The following PRDM7 variants were observed in gnomAD, a reference collection of about 807,000 sequenced individuals.
The protein encoded by PRDM7 is histone-lysine N-methyltransferase PRDM7.
A neutral mutation model predicts 64.3 loss-of-function variants in PRDM7; 52 were observed. That is an observed-to-expected ratio of 0.81 (90% confidence interval 0.65 to 1.02). The LOEUF is 1.02. Among genes scored for constraint, PRDM7 ranks in the 50% least tolerant of loss-of-function variants. The pLI is 0.00. For synonymous variants in PRDM7, 192 were observed against 210.1 expected, an observed-to-expected ratio of 0.91 and a Z score of 0.74; for missense variants, 574 against 597.1, an observed-to-expected ratio of 0.96 and a Z score of 0.40.
chr16:90,068,152 A>G (rs557896114), intron 4 of PRDM7, among the ~76,000 whole-genome samples: 5 of 150,460 alleles, frequency 3.3e-5, no homozygotes, highest in Admixed American at 3.3e-4. Flanking sequence ...GGTGGCGGGC[A>G]CCTATAGTCC....
chr16:90,076,866 G>T (rs1567491309), intron 1 of PRDM7, among the ~76,000 whole-genome samples: 1 of 151,956 alleles, frequency 6.6e-6, no homozygotes, highest in African/African-American at 2.4e-5. Context: ...TGAAGCTGAC[G>T]GGGTTGAGTT....
In PRDM7 at chr16:90,075,058, A is replaced by G; in HGVS notation, c.194-35T>C. On this transcript the variant is annotated intron_variant, in intron 3 of 10. Coordinates refer to ENST00000449207, the MANE Select transcript of PRDM7 (RefSeq NM_001098173.2). The surrounding 1 kb of genome is among the most constrained non-coding windows in gnomAD (Gnocchi z 4.3). ...AGCAAAAAATTTTGCTCTGAAACGG[A>G]AGAGCTGGGATGAGGAACAAAGGGC... is the stretch of plus-strand genomic sequence containing the variant. The G allele has an allele frequency of 8.1e-6, 13 of 1,609,218 alleles. No individual in the cohort carries two copies. Among genetic ancestry groups the G allele is most frequent in the Non-Finnish European group, 1.1e-5 (13 of 1,175,660 alleles).
rs199642434 is a variant in PRDM7, at chr16:90,072,230, C to CAAA, written c.301+2683_301+2685dup. On this transcript the variant is annotated intron_variant, in intron 4 of 10. Transcript: ENST00000449207. The stretch of plus-strand genomic sequence containing the variant: ...TGGGCGACAGAGCGAGACTCCATCT[C>CAAA]AAAAAAAAAAAAAAAGAATTAAAAA... 1.9e-4 allele frequency among the ~76,000 whole-genome samples: 20 copies of CAAA among 107,050 alleles called. 1 individual carries two copies. Among genetic ancestry groups the CAAA allele is most frequent in the African/African-American group, 6.8e-4 (18 of 26,458 alleles). The allele number at this position is 107,050 out of a possible 152,430, so 70.2% of individuals were successfully genotyped here.
intron 5 of PRDM7, among the ~76,000 whole-genome samples, chr16:90,066,633 T>C (rs999411627): frequency 2.6e-5 from 4 of 151,220 alleles, no homozygotes; most frequent in Non-Finnish European, 5.9e-5. Context: ...AGTTTATTCA[T>C]GTAAAATGCT....
At chr16:90,063,369 C>G (rs2037814724) in intron 6 of PRDM7, among the ~76,000 whole-genome samples, 1 of 150,726 alleles carries the variant, frequency 6.6e-6, no homozygotes. Flanking sequence ...TTCGTGGAGG[C>G]AGAGGTTGCA....
rs2037821115 is a variant in PRDM7 at position 90,063,664 on chromosome 16, C to T, written c.456G>A (p.Val152=). Reference sequence around the variant, plus strand: ...AGGTACTTGCTTCTCCAGGAGGGGACACTGGTTTCTGAGCCTGCTCTGAGT... The same window carrying T: ...AGGTACTTGCTTCTCCAGGAGGGGATACTGGTTTCTGAGCCTGCTCTGAGT... The part of the protein sequence containing the change: ...TSDSEQAQKP[V]SPPGEASTSG... Residue 152 remains valine, a synonymous_variant, in exon 6 of 11, where the codon GTG becomes GTA. Transcript: ENST00000449207. 1.9e-6 allele frequency: 3 copies of T among 1,614,082 alleles called. No homozygotes were observed. In the East Asian group the frequency reaches 6.7e-5, roughly 36 times the overall value.
At chr16:90,062,526 G>GT in intron 6 of PRDM7, 24 bp from the exon 7 acceptor site, 2 of 1,572,504 alleles carry the variant, frequency 1.3e-6, no homozygotes, top group South Asian at 2.2e-5. Context: ...GAGTAGATGG[G>GT]TAAAATTGGG....
At chr16:90,059,912 C>G (rs960920928) in intron 10 of PRDM7, among the ~76,000 whole-genome samples, 51 of 152,204 alleles carry the variant, frequency 3.4e-4, no homozygotes, top group African/African-American at 1.2e-3. Flanking sequence ...ATTTACACTT[C>G]CTGCAACATC....
chr16:90,074,087 G>C (rs1308830469), intron 4 of PRDM7, among the ~76,000 whole-genome samples: 1 of 151,866 alleles, frequency 6.6e-6, no homozygotes, highest in Non-Finnish European at 1.5e-5. Flanking sequence ...TGCCTGGCCA[G>C]GAGGTCACTT....
chr16:90,077,276 C>G lies in PRDM7; in HGVS notation c.-136G>C, dbSNP rs1293145798. The G allele has an allele frequency of 6.6e-6, 1 of 152,264 alleles. No homozygotes were observed. Among genetic ancestry groups the G allele is most frequent in the African/African-American group, 2.4e-5 (1 of 41,454 alleles). The allele number at this position is 152,264 out of a possible 1,614,324, so 9.4% of individuals were successfully genotyped here. A position where few individuals can be genotyped will look rare whatever the true frequency, so the allele number is the denominator to read the frequency against. ...GCTCCCCATGCTCTTCACAGTCTCC[C>G]GTTTTCTCCTGCCGCGGTGTTCACC... On this transcript the variant is annotated 5_prime_UTR_variant, in exon 1 of 11. Coordinates refer to ENST00000449207, the MANE Select transcript of PRDM7 (RefSeq NM_001098173.2).
In PRDM7 at chr16:90,060,569, G is replaced by A; in HGVS notation, c.1005C>T (p.Tyr335=). Residue 335 remains tyrosine (Y), a synonymous_variant, in exon 10 of 11, where the codon TAC becomes TAT. Transcript: ENST00000449207. ...DEEQNLVAFQ[Y]HRQIFYRTCR... is the part of the protein sequence containing the mutation. ...AGGTTCTATAGAAGATCTGCCTGTGGTACTGGAAGGCCACCAGGTTCTGCT... is the reference window on the plus strand; with the variant it reads ...AGGTTCTATAGAAGATCTGCCTGTGATACTGGAAGGCCACCAGGTTCTGCT... 1.9e-6 allele frequency: 3 copies of A among 1,614,086 alleles called. No homozygotes were observed. Among genetic ancestry groups the A allele is most frequent in the South Asian group, 1.1e-5 (1 of 91,080 alleles).
intron 4 of PRDM7, chr16:90,069,884 T>G (rs2037931515): frequency 6.5e-6 from 1 of 152,882 alleles, no homozygotes; most frequent in Non-Finnish European, 1.4e-5. Context: ...TGAAACCCTG[T>G]CTCTACTGAA....
Position 90,060,485 on chromosome 16 carries a change from C to G in PRDM7, c.1089G>C (p.Gln363His), listed in dbSNP as rs752189220. ...CTATAGAAGATCTGATGCCCAGTTC[C>G]TGGCCATACTCATCCCCAGACCAGA... The part of the protein sequence containing the change: ...LLVWSGDEYG[Q>H]ELGIRSSIEP... The change falls in exon 10 of 11, where the codon CAG (glutamine) becomes CAC (histidine). Residue 363 changes from glutamine (Q) to histidine (H), a missense_variant. Gln to His is a conservative substitution (Grantham distance 24). Coordinates refer to ENST00000449207, the MANE Select transcript of PRDM7 (RefSeq NM_001098173.2). 19 of 1,613,598 alleles carry G rather than the reference C, an allele frequency of 1.2e-5. No homozygotes were observed. The highest frequency in any genetic ancestry group is 1.7e-5 in the Admixed American group (1 of 59,958).
chr16:90,062,009 G>A lies in PRDM7; in HGVS notation c.794C>T (p.Ser265Phe), dbSNP rs1597683797. The A allele has an allele frequency of 1.2e-6, 2 of 1,614,272 alleles. No homozygotes were observed. The highest frequency in any genetic ancestry group is 4.5e-5 in the East Asian group (2 of 44,892). ...AAAGTGCAGACCCAGTGGCAGATCA[G>A]ATGCCTCGTTCCATACTCCAAGCCC... is the stretch of plus-strand genomic sequence containing the variant. ...QAGLGVWNEA[S>F]DLPLGLHFGP... Residue 265 changes from serine to phenylalanine, a missense_variant, in exon 8 of 11, where the codon TCT (serine) becomes TTT (phenylalanine). Physicochemically the swap from Ser to Phe is radical, Grantham distance 155 (BLOSUM62 -2). Transcript: ENST00000449207.
rs1567874757 is a variant in PRDM7, at chr16:90,060,439, G to T, written c.1135C>A (p.Gln379Lys). ...ATACCAGACCAGCAGTTCACAGCCT[G>T]GCCTAATGACTCGGCAGGTTCTATA... ...SSIEPAESLGQAVNCWSGMGM... is the reference protein window; with the variant it reads ...SSIEPAESLGKAVNCWSGMGM... The change falls in exon 10 of 11, where the codon CAG becomes AAG. Residue 379 changes from glutamine (Q) to lysine (K), a missense_variant. Physicochemically the swap from Gln to Lys is moderately conservative, Grantham distance 53. Transcript: ENST00000449207. 6.2e-7 allele frequency: 1 copy of T among 1,613,658 alleles called. No individual in the cohort carries two copies. Among genetic ancestry groups the T allele is most frequent in the Non-Finnish European group, 8.5e-7 (1 of 1,179,814 alleles).
At chr16:90,060,660 G>A in intron 9 of PRDM7, 37 bp from the exon 10 acceptor site, 1 of 1,608,896 alleles carries the variant, frequency 6.2e-7, no homozygotes, top group Non-Finnish European at 8.5e-7. Flanking sequence ...GAAAGAGGCA[G>A]TGAGTTCCCT....
At chr16:90,064,185 T>G (rs2037832207) in intron 5 of PRDM7, among the ~76,000 whole-genome samples, 1 of 152,192 alleles carries the variant, frequency 6.6e-6, no homozygotes, top group Admixed American at 6.5e-5. Context: ...AATAGGGCAG[T>G]AAGGTTCGGA....
intron 4 of PRDM7, among the ~76,000 whole-genome samples, chr16:90,074,665 G>T (rs1412046622): frequency 6.6e-6 from 1 of 152,116 alleles, no homozygotes; most frequent in East Asian, 1.9e-4. Context: ...CCTGAGGTCA[G>T]GAGTTCGAGA....
chr16:90,063,807 T>G, intron 5 of PRDM7, 39 bp from the exon 6 acceptor site: 1 of 1,609,370 alleles, frequency 6.2e-7, no homozygotes, highest in Non-Finnish European at 8.5e-7. Context: ...ACAACGTGCA[T>G]TTATTTAGTT....
Sources: gnomAD v4.1 joint callset for allele counts (sites outside exome capture counted in the v4.1 genomes callset) on GRCh38, gnomAD v4.1.1 for gene constraint, Gnocchi (gnomAD v3.1) non-coding constraint, MANE v1.5 for transcripts, NCBI Gene and HGNC (gene_info 2026-07-23, HGNC 2026-07-21) for gene names.